The following GK5 variants were observed in gnomAD, a reference collection of about 807,000 sequenced individuals.
GK5 encodes the protein ATP:glycerol 3-phosphotransferase 5.
A neutral mutation model predicts 77.3 loss-of-function variants in GK5; 39 were observed. That is an observed-to-expected ratio of 0.50 (90% CI 0.39 to 0.66). The LOEUF is 0.66. GK5 is among the 30% of genes least tolerant of loss of function. The probability of loss-of-function intolerance (pLI) is 0.00; values close to 1 mark genes in which losing one functional copy is unlikely to be tolerated. For missense variants in GK5, 487 were observed against 633.8 expected (o/e 0.77, Z 2.49); for synonymous variants, 211 against 208.0 (o/e 1.01, Z -0.13).
chr3:142,224,311 T>C (rs1221737052), intron 1 of GK5, among the ~76,000 whole-genome samples: 1 of 152,008 alleles, frequency 6.6e-6, no homozygotes, highest in Non-Finnish European at 1.5e-5. Flanking sequence ...CTTGGGGGGC[T>C]GAGGTGGAAG....
chr3:142,187,796 C>T lies in GK5; in HGVS notation c.544-17G>A. 1.3e-6 allele frequency: 2 copies of T among 1,599,704 alleles called. No homozygotes were observed. Among genetic ancestry groups the T allele is most frequent in the Admixed American group, 3.5e-5 (2 of 57,472 alleles). ...CTTTTGCACCTTGAAAACACAACAG[C>T]ACAAAATCGATTCAAAAAGGCTAAA... On this transcript the variant is annotated splice_polypyrimidine_tract_variant and intron_variant, in intron 5 of 15. Coordinates refer to ENST00000392993, the MANE Select transcript of GK5 (RefSeq NM_001039547.3).
intron 4 of GK5, chr3:142,204,322 A>G (rs2064070709): frequency 9.9e-6 from 3 of 302,506 alleles, no homozygotes; most frequent in Non-Finnish European, 1.9e-5. Context: ...CTGTAATGAT[A>G]AGAGCTTCTA....
chr3:142,177,988 A>G (rs1293375920), intron 11 of GK5, among the ~76,000 whole-genome samples: 2 of 151,150 alleles, frequency 1.3e-5, no homozygotes, highest in African/African-American at 2.4e-5. Flanking sequence ...CCTCCCAAGT[A>G]GCTAGGATTA....
chr3:142,167,445 G>T (rs2063486596), intron 15 of GK5, among the ~76,000 whole-genome samples: 1 of 152,070 alleles, frequency 6.6e-6, no homozygotes, highest in African/African-American at 2.4e-5. Flanking sequence ...GAAAAACATA[G>T]TTTTCATCAG....
rs2063423824 is a variant in GK5, at chr3:142,161,267, A to G, written c.*4355T>C. ...AGGCATGTGCCACAACGCACAGCTAATTTTTTTGTAGTTTTAATAGAGATG... is the reference window on the plus strand; with the variant it reads ...AGGCATGTGCCACAACGCACAGCTAGTTTTTTTGTAGTTTTAATAGAGATG... On this transcript the variant is annotated 3_prime_UTR_variant, in exon 16 of 16. Coordinates refer to ENST00000392993, the MANE Select transcript of GK5 (RefSeq NM_001039547.3). The G allele has an allele frequency of 6.6e-6, 1 of 152,020 alleles. No homozygotes were observed. Among genetic ancestry groups the G allele is most frequent in the African/African-American group, 2.4e-5 (1 of 41,370 alleles). 9.4% of individuals were successfully genotyped at this position (152,020 alleles called of 1,614,324 possible). A position where few individuals can be genotyped will look rare whatever the true frequency, so the allele number is the denominator to read the frequency against.
chr3:142,171,536 T>C (rs2063540508), intron 13 of GK5, 58 bp from the exon 14 acceptor site: 6 of 1,111,650 alleles, frequency 5.4e-6, no homozygotes, highest in Admixed American at 3.2e-5. Context: ...AATTCACTAC[T>C]TTATTCTGAT....
chr3:142,193,263 T>C lies in GK5; in HGVS notation c.544-5484A>G, dbSNP rs190845969. Among the ~76,000 whole-genome samples the C allele has an allele frequency of 2.8e-3, 431 of 152,184 alleles. 1 individual carries two copies. The highest frequency in any genetic ancestry group is 4.1e-3 in the Non-Finnish European group (279 of 68,022). On this transcript the variant is annotated intron_variant, in intron 5 of 15. Coordinates refer to ENST00000392993, the MANE Select transcript of GK5 (RefSeq NM_001039547.3). ...CTACTCTAAAATTAAAGTGTATTAA[T>C]TTTTTAGAAAACAAAGGACTGAGGT...
rs1553825247 is a variant in GK5, at chr3:142,159,853, C to CTCTTTTTTTTTTTTTTTTTTTTT, written c.*5768_*5769insAAAAAAAAAAAAAAAAAAAAAGA. ...TTTCTCTCTCTCTCTCTCTCTCTCT[C>CTCTTTTTTTTTTTTTTTTTTTTT]TTTTTTTTTTTTGAGACAGAGTCTC... On this transcript the variant is annotated 3_prime_UTR_variant, in exon 16 of 16. Coordinates refer to ENST00000392993, the MANE Select transcript of GK5 (RefSeq NM_001039547.3). 14 of 106,120 alleles carry CTCTTTTTTTTTTTTTTTTTTTTT rather than the reference C, an allele frequency of 1.3e-4. No individual in the cohort carries two copies. Among genetic ancestry groups the CTCTTTTTTTTTTTTTTTTTTTTT allele is most frequent in the African/African-American group, 3.3e-4 (8 of 24,292 alleles). 6.6% of individuals were successfully genotyped at this position (106,120 alleles called of 1,614,324 possible).
At position 142,162,368 on chromosome 3, in the gene GK5, G is replaced by C. The variant is rs776729727; in HGVS notation, c.*3254C>G. On this transcript the variant is annotated 3_prime_UTR_variant, in exon 16 of 16. Transcript: ENST00000392993. ...TAGGGGGATGGTACTTGTAGCTAGA[G>C]GGCAGAGGTCAGGGATATTGCTAAA... 1.3e-5 allele frequency: 2 copies of C among 152,160 alleles called. No homozygotes were observed. Among genetic ancestry groups the C allele is most frequent in the Non-Finnish European group, 2.9e-5 (2 of 68,046 alleles). The allele number at this position is 152,160 out of a possible 1,614,324, so 9.4% of individuals were successfully genotyped here.
intron 15 of GK5, among the ~76,000 whole-genome samples, chr3:142,166,577 A>G (rs1329812454): frequency 2.0e-5 from 3 of 152,110 alleles, no homozygotes; most frequent in Admixed American, 2.0e-4. Flanking sequence ...TCTGTCACCC[A>G]GGCTGGAGTA....
At chr3:142,167,619 G>A (rs866427468) in intron 15 of GK5, among the ~76,000 whole-genome samples, 3 of 152,238 alleles carry the variant, frequency 2.0e-5, no homozygotes. Flanking sequence ...AAATACAGAG[G>A]ATATACATAG....
chr3:142,211,164 G>C (rs9838853), intron 3 of GK5, among the ~76,000 whole-genome samples: 41,081 of 152,088 alleles, frequency 0.27, 6,240 homozygotes, highest in African/African-American at 0.42. Flanking sequence ...AATGTTTTGA[G>C]ACATTTATGG....
At chr3:142,186,789 C>A (rs1355937479) in intron 6 of GK5, among the ~76,000 whole-genome samples, 2 of 152,056 alleles carry the variant, frequency 1.3e-5, no homozygotes, top group Non-Finnish European at 1.5e-5. Context: ...TGCCACCACA[C>A]CCAGCTAATT....
In GK5 at chr3:142,165,445, A is replaced by G. The variant is rs958463021; in HGVS notation, c.*177T>C. ...TTGCTGCCTTACCATGGTTTAGGGG[A>G]AAAAAATAAGAGTTTTTTGTTCCGT... On this transcript the variant is annotated 3_prime_UTR_variant, in exon 16 of 16. Transcript: ENST00000392993. 28 of 465,060 alleles carry G rather than the reference A, an allele frequency of 6.0e-5. No homozygotes were observed. Among genetic ancestry groups the G allele is most frequent in the African/African-American group, 4.3e-4 (21 of 49,078 alleles). 28.8% of individuals were successfully genotyped at this position (465,060 alleles called of 1,614,324 possible).
intron 10 of GK5, among the ~76,000 whole-genome samples, chr3:142,182,051 T>C (rs1259573540): frequency 3.9e-5 from 6 of 152,320 alleles, no homozygotes; most frequent in Admixed American, 6.5e-5. Flanking sequence ...CATTTTCTAA[T>C]TCCATCTTCC....
chr3:142,222,210 G>C lies in GK5; in HGVS notation c.147+3099C>G, dbSNP rs141689767. ...AGCAATGTAGACCAACAAGATCCTTGTTCCCAAAAAACTCAAATTATCTGC... is the reference window on the plus strand; with the variant it reads ...AGCAATGTAGACCAACAAGATCCTTCTTCCCAAAAAACTCAAATTATCTGC... On this transcript the variant is annotated intron_variant, in intron 1 of 15. Coordinates refer to ENST00000392993, the MANE Select transcript of GK5 (RefSeq NM_001039547.3). Among the ~76,000 whole-genome samples the C allele has an allele frequency of 4.1e-3, 625 of 152,278 alleles. 3 individuals carry two copies. The highest frequency in any genetic ancestry group is 0.014 in the African/African-American group (584 of 41,564).
intron 3 of GK5, among the ~76,000 whole-genome samples, chr3:142,206,954 A>T (rs2064117324): frequency 6.6e-6 from 1 of 152,126 alleles, no homozygotes. Flanking sequence ...ATGTAGGGAG[A>T]CCCCCTGAAA....
rs1342546449 is a variant in GK5, at chr3:142,159,851, C to CTTTTTTTTTTTTTTTTTTTTTTTTT, written c.*5770_*5771insAAAAAAAAAAAAAAAAAAAAAAAAA. 2.3e-5 allele frequency: 2 copies of CTTTTTTTTTTTTTTTTTTTTTTTTT among 86,976 alleles called. No homozygotes were observed. The highest frequency in any genetic ancestry group is 9.0e-5 in the African/African-American group (2 of 22,112). 5.4% of individuals were successfully genotyped at this position (86,976 alleles called of 1,614,324 possible). A position where few individuals can be genotyped will look rare whatever the true frequency, so the allele number is the denominator to read the frequency against. On this transcript the variant is annotated 3_prime_UTR_variant, in exon 16 of 16. Transcript: ENST00000392993. ...GCTTTCTCTCTCTCTCTCTCTCTCT[C>CTTTTTTTTTTTTTTTTTTTTTTTTT]TCTTTTTTTTTTTTGAGACAGAGTC...
In GK5 at chr3:142,161,791, T is replaced by C. The variant is rs2108775886; in HGVS notation, c.*3831A>G. On this transcript the variant is annotated 3_prime_UTR_variant, in exon 16 of 16. Coordinates refer to ENST00000392993, the MANE Select transcript of GK5 (RefSeq NM_001039547.3). ...CAGAAGACAATTACAGCATGAGATATTGATTGATTGATTGATTGATTGATT... is the reference window on the plus strand; with the variant it reads ...CAGAAGACAATTACAGCATGAGATACTGATTGATTGATTGATTGATTGATT... The C allele has an allele frequency of 6.6e-6, 1 of 151,894 alleles. No individual in the cohort carries two copies. The highest frequency in any genetic ancestry group is 2.1e-4 in the South Asian group (1 of 4,768). The allele number at this position is 151,894 out of a possible 1,614,324, so 9.4% of individuals were successfully genotyped here.
Sources: gnomAD v4.1 joint callset for allele counts (sites outside exome capture counted in the v4.1 genomes callset) on GRCh38, gnomAD v4.1.1 for gene constraint, MANE v1.5 for transcripts, NCBI Gene and HGNC (gene_info 2026-07-23, HGNC 2026-07-21) for gene names.